The following TRAPPC11 variants were observed in gnomAD, a reference collection of about 807,000 sequenced individuals.
The protein encoded by TRAPPC11 is foie gras homolog.
TRAPPC11 carries 104 observed loss-of-function variants against 151.2 expected under a neutral mutation model. That is an observed-to-expected ratio of 0.69 (90% CI 0.59 to 0.81). TRAPPC11 has a LOEUF of 0.81. Among genes scored for constraint, TRAPPC11 ranks in the 30% least tolerant of loss-of-function variants. The pLI, the probability that TRAPPC11 is intolerant of heterozygous loss-of-function variation, is 0.00. For missense variants in TRAPPC11, 1,230 were observed against 1,349.6 expected, an observed-to-expected ratio of 0.91 and a Z score of 1.39; for synonymous variants, 456 against 472.3, an observed-to-expected ratio of 0.97 and a Z score of 0.45.
At chr4:183,698,732 G>C (rs1736664935) in intron 25 of TRAPPC11, among the ~76,000 whole-genome samples, 1 of 152,112 alleles carries the variant, frequency 6.6e-6, no homozygotes, top group African/African-American at 2.4e-5. Flanking sequence ...TCCTGACGTT[G>C]GTTCTCTTGT....
chr4:183,682,208 A>G (rs1435111430), intron 10 of TRAPPC11, among the ~76,000 whole-genome samples: 3 of 152,168 alleles, frequency 2.0e-5, no homozygotes, highest in South Asian at 4.1e-4. Flanking sequence ...ATCCTTTTGG[A>G]TGTTTTCTGC....
Position 183,708,393 on chromosome 4 carries a change from T to C in TRAPPC11, c.3190-14T>C, listed in dbSNP as rs1044759392. Reference sequence around the variant, plus strand: ...GTATTTGATTATCTTTCTCTGTGACTTTTTATGATGCAGATTCGATTACGT... The same window carrying C: ...GTATTTGATTATCTTTCTCTGTGACCTTTTATGATGCAGATTCGATTACGT... On this transcript the variant is annotated splice_polypyrimidine_tract_variant and intron_variant, in intron 28 of 29. Transcript: ENST00000334690. 1.9e-6 allele frequency: 3 copies of C among 1,607,174 alleles called. No individual in the cohort carries two copies. Among genetic ancestry groups the C allele is most frequent in the Non-Finnish European group, 1.7e-6 (2 of 1,176,518 alleles).
chr4:183,690,112 A>C (rs1736185874), intron 18 of TRAPPC11, among the ~76,000 whole-genome samples: 1 of 152,182 alleles, frequency 6.6e-6, no homozygotes, highest in Admixed American at 6.5e-5. Flanking sequence ...CTGAGGCATG[A>C]GAATTGCTTG....
chr4:183,700,629 C>T (rs1323226115), intron 25 of TRAPPC11, among the ~76,000 whole-genome samples: 1 of 152,150 alleles, frequency 6.6e-6, no homozygotes, highest in Non-Finnish European at 1.5e-5. Context: ...CATTCTTGCA[C>T]AGAGGTGAAT....
chr4:183,678,886 T>C (rs1031038442), intron 8 of TRAPPC11, among the ~76,000 whole-genome samples: 8 of 152,232 alleles, frequency 5.3e-5, no homozygotes, highest in South Asian at 2.1e-4. Context: ...TATTTTGAAA[T>C]AGCATGCCAG....
chr4:183,676,789 GC>G (rs1177709624), intron 7 of TRAPPC11, among the ~76,000 whole-genome samples: 1 of 152,090 alleles, frequency 6.6e-6, no homozygotes, highest in African/African-American at 2.4e-5. Flanking sequence ...TTTTGAGATG[GC>G]ATCTCCCTCT....
intron 6 of TRAPPC11, 157 bp from the exon 7 acceptor site, chr4:183,675,007 A>G (rs1381504232): frequency 1.4e-5 from 8 of 570,184 alleles, no homozygotes; most frequent in Admixed American, 7.9e-5. Flanking sequence ...GTAGATTTTT[A>G]TAGCCTTCTT....
In TRAPPC11 at chr4:183,693,721, C is replaced by T. The variant is rs4862234; in HGVS notation, c.2370C>T (p.Thr790=). 372,370 of 1,613,170 alleles carry T rather than the reference C, an allele frequency of 0.23. 44,446 individuals carry two copies. Among genetic ancestry groups the T allele is most frequent in the African/African-American group, 0.31 (23,226 of 74,872 alleles). The change falls in exon 21 of 30, where the codon ACC becomes ACT. Residue 790 remains threonine, a synonymous_variant. Transcript: ENST00000334690. ...CCCAAATCAGAGATGTGAAGCTCAC[C>T]GCTGGCTTAAAACCAGGTAAGCATT... The part of the protein sequence containing the change: ...EKTQIRDVKL[T]AGLKPGQDAN...
intron 29 of TRAPPC11, 21 bp from the exon 30 acceptor site, chr4:183,712,579 T>A (rs766801239): frequency 1.2e-6 from 2 of 1,613,178 alleles, no homozygotes; most frequent in Non-Finnish European, 1.7e-6. Flanking sequence ...GTAAACCCAC[T>A]TTGTTTTTCC....
rs773352122 is a variant in TRAPPC11, at chr4:183,674,694, T to G, written c.561-19T>G. The G allele has an allele frequency of 3.6e-6, 5 of 1,408,020 alleles. No homozygotes were observed. The allele number at this position is 1,408,020 out of a possible 1,614,324, so 87.2% of individuals were successfully genotyped here. A position where few individuals can be genotyped will look rare whatever the true frequency, so the allele number is the denominator to read the frequency against. ...AATAATTCAATATGTAAATGCTTGT[T>G]TGTTTTTGTTTTTTACAGATTGGAA... On this transcript the variant is annotated intron_variant, in intron 5 of 29. Coordinates refer to ENST00000334690, the MANE Select transcript of TRAPPC11 (RefSeq NM_021942.6).
chr4:183,684,997 A>G, intron 15 of TRAPPC11, 87 bp from the exon 16 acceptor site: 1 of 1,367,628 alleles, frequency 7.3e-7, no homozygotes. Flanking sequence ...GGTATTTATT[A>G]TTATATCAAG....
At chr4:183,685,755 G>T (rs1344006631) in intron 17 of TRAPPC11, among the ~76,000 whole-genome samples, 1 of 152,024 alleles carries the variant, frequency 6.6e-6, no homozygotes, top group Non-Finnish European at 1.5e-5. Flanking sequence ...TTCAGGAGCA[G>T]CTGTGTTTTT....
At chr4:183,682,354 A>G (rs1433062558) in intron 10 of TRAPPC11, among the ~76,000 whole-genome samples, 3 of 152,206 alleles carry the variant, frequency 2.0e-5, no homozygotes, top group Non-Finnish European at 4.4e-5. Context: ...AAAGAAGGAA[A>G]ATAGTGTCTT....
At chr4:183,708,096 A>T (rs1737168256) in intron 28 of TRAPPC11, among the ~76,000 whole-genome samples, 1 of 152,240 alleles carries the variant, frequency 6.6e-6, no homozygotes, top group African/African-American at 2.4e-5. Flanking sequence ...ACCTGGGCTA[A>T]GGCAGAGAAA....
intron 23 of TRAPPC11, among the ~76,000 whole-genome samples, chr4:183,695,703 A>G (rs573725383): frequency 3.3e-5 from 5 of 152,112 alleles, no homozygotes; most frequent in Non-Finnish European, 7.4e-5. Flanking sequence ...GCCTATAGCA[A>G]TTTGGGGATT....
At chr4:183,671,643 A>C (rs974929958) in intron 5 of TRAPPC11, among the ~76,000 whole-genome samples, 1 of 152,214 alleles carries the variant, frequency 6.6e-6, no homozygotes, top group Non-Finnish European at 1.5e-5. Flanking sequence ...TTTAGACATA[A>C]ATCTGCATCT....
At position 183,685,257 on chromosome 4, in the gene TRAPPC11, C is replaced by T. The variant is rs1294811951; in HGVS notation, c.1630-14C>T. On this transcript the variant is annotated splice_polypyrimidine_tract_variant and intron_variant, in intron 16 of 29. Coordinates refer to ENST00000334690, the MANE Select transcript of TRAPPC11 (RefSeq NM_021942.6). ...TCAACTAGTTGAATGGATGTTAACT[C>T]TGTGTTGATGCAGAATGAAAGTCCT... 8 of 1,612,814 alleles carry T rather than the reference C, an allele frequency of 5.0e-6. No individual in the cohort carries two copies. The highest frequency in any genetic ancestry group is 8.5e-7 in the Non-Finnish European group (1 of 1,179,004).
At position 183,713,013 on chromosome 4, in the gene TRAPPC11, A is replaced by G. The variant is rs1737404826; in HGVS notation, c.*369A>G. ...GAGCAGATGCACCAGTGCCTGTGCC[A>G]TAAAGTTCCGAATCCCCCATGTGTC... On this transcript the variant is annotated 3_prime_UTR_variant, in exon 30 of 30. Transcript: ENST00000334690. 4.7e-6 allele frequency: 1 copy of G among 212,624 alleles called. No individual in the cohort carries two copies. Among genetic ancestry groups the G allele is most frequent in the Non-Finnish European group, 9.4e-6 (1 of 106,760 alleles). 13.2% of individuals were successfully genotyped at this position (212,624 alleles called of 1,614,324 possible).
At chr4:183,707,476 A>C (rs1287868598) in intron 28 of TRAPPC11, among the ~76,000 whole-genome samples, 1 of 152,208 alleles carries the variant, frequency 6.6e-6, no homozygotes, top group Non-Finnish European at 1.5e-5. Context: ...TCAAGTTTTT[A>C]AATGAGCAAA....
Sources: gnomAD v4.1 joint callset for allele counts (sites outside exome capture counted in the v4.1 genomes callset) on GRCh38, gnomAD v4.1.1 for gene constraint, MANE v1.5 for transcripts, NCBI Gene and HGNC (gene_info 2026-07-23, HGNC 2026-07-21) for gene names.